HS6ST2: variants seen among roughly 807,000 people sequenced by gnomAD.
HS6ST2 encodes the protein heparan-sulfate 6-O-sulfotransferase 2.
HS6ST2 carries 17 observed loss-of-function variants against 33.0 expected under a neutral mutation model. The ratio of observed to expected loss-of-function variants is 0.52; its 90% CI spans 0.35 to 0.77. HS6ST2 has a LOEUF of 0.77. Among genes scored for constraint, HS6ST2 ranks in the 30% least tolerant of loss-of-function variants. HS6ST2 has a pLI of 0.01. For synonymous variants in HS6ST2, 248 were observed against 237.1 expected (o/e 1.05, Z -0.42); for missense variants, 519 against 551.7 (o/e 0.94, Z 0.59).
intron 2 of HS6ST2, among the ~76,000 whole-genome samples, chrX:132,828,693 TACACACACACAC>T (rs779585327): frequency 1.1e-3 from 82 of 72,915 alleles, no homozygotes; most frequent in African/African-American, 2.3e-3. Flanking sequence ...TATATATATA[TACACACACACAC>T]ACACACACAC....
intron 4 of HS6ST2, among the ~76,000 whole-genome samples, chrX:132,649,281 G>A (rs746871651): frequency 9.0e-6 from 1 of 111,398 alleles, no homozygotes; most frequent in Non-Finnish European, 1.9e-5. Context: ...CAGAAATATC[G>A]AATTCAAGTT....
intron 2 of HS6ST2, among the ~76,000 whole-genome samples, chrX:132,750,393 C>T (rs769425247): frequency 4.7e-5 from 5 of 106,403 alleles, no homozygotes; most frequent in South Asian, 4.2e-4. Flanking sequence ...GCTGCAAAGG[C>T]GACTTTGCTG....
chrX:132,841,550 G>A (rs1001617547), intron 2 of HS6ST2, among the ~76,000 whole-genome samples: 1 of 111,506 alleles, frequency 9.0e-6, no homozygotes, highest in South Asian at 3.8e-4. Context: ...CCAGCAATAG[G>A]GCTCCCAATA....
At chrX:132,833,169 T>C (rs1399065384) in intron 2 of HS6ST2, among the ~76,000 whole-genome samples, 1 of 112,011 alleles carries the variant, frequency 8.9e-6, no homozygotes, top group East Asian at 2.8e-4. Context: ...ATCAAGTAGA[T>C]TTACGTTAAT....
intron 2 of HS6ST2, among the ~76,000 whole-genome samples, chrX:132,728,507 G>A (rs1018990981): frequency 3.6e-5 from 4 of 111,849 alleles, no homozygotes; most frequent in Non-Finnish European, 5.6e-5. Context: ...ACAGCCTAAC[G>A]CGGGCATGTT....
chrX:132,774,766 T>C (rs888979837), intron 2 of HS6ST2, among the ~76,000 whole-genome samples: 1 of 110,533 alleles, frequency 9.0e-6, no homozygotes, highest in African/African-American at 3.3e-5. Context: ...CTGCAACCTC[T>C]GCCTTCTGAG....
At chrX:132,637,881 T>C (rs2063570157) in intron 4 of HS6ST2, among the ~76,000 whole-genome samples, 1 of 54,549 alleles carries the variant, frequency 1.8e-5, no homozygotes, top group African/African-American at 1.1e-4. Context: ...ATATAATATA[T>C]ATATAATATT....
At chrX:132,820,157 G>A (rs1361313360) in intron 2 of HS6ST2, among the ~76,000 whole-genome samples, 2 of 111,057 alleles carry the variant, frequency 1.8e-5, no homozygotes, top group African/African-American at 6.6e-5. Flanking sequence ...AGCCTCCCCA[G>A]CCTGAGGTCT....
chrX:132,829,241 G>T (rs2065563514), intron 2 of HS6ST2, among the ~76,000 whole-genome samples: 3 of 81,254 alleles, frequency 3.7e-5, no homozygotes, highest in Non-Finnish European at 7.2e-5. Context: ...GATATGTGAA[G>T]CACATATGTT....
chrX:132,805,224 T>C (rs2065270324), intron 2 of HS6ST2, among the ~76,000 whole-genome samples: 1 of 111,915 alleles, frequency 8.9e-6, no homozygotes, highest in Non-Finnish European at 1.9e-5. Context: ...TGGCCTTCGC[T>C]GGTCTTTGTC....
intron 2 of HS6ST2, among the ~76,000 whole-genome samples, chrX:132,938,153 C>A (rs1176478913): frequency 1.9e-5 from 2 of 104,765 alleles, no homozygotes; most frequent in Non-Finnish European, 3.9e-5. Flanking sequence ...CAAAGGGAAA[C>A]CCTGTCTCAA....
At chrX:132,779,805 G>C (rs2065002591) in intron 2 of HS6ST2, among the ~76,000 whole-genome samples, 1 of 110,848 alleles carries the variant, frequency 9.0e-6, no homozygotes, top group African/African-American at 3.3e-5. Flanking sequence ...CTATAAGGTT[G>C]GTACCCTTAC....
intron 2 of HS6ST2, among the ~76,000 whole-genome samples, chrX:132,727,063 C>T (rs2064399493): frequency 9.0e-6 from 1 of 110,663 alleles, no homozygotes; most frequent in Admixed American, 9.7e-5. Context: ...TAATGAAACG[C>T]TAATCAAAAC....
chrX:132,816,726 G>A (rs1368780320), intron 2 of HS6ST2, among the ~76,000 whole-genome samples: 1 of 111,333 alleles, frequency 9.0e-6, no homozygotes, highest in East Asian at 2.8e-4. Flanking sequence ...TTAAGTGACT[G>A]TACTTGAGAA....
intron 3 of HS6ST2, among the ~76,000 whole-genome samples, chrX:132,675,248 G>A (rs765996628): frequency 1.6e-4 from 18 of 110,535 alleles, no homozygotes; most frequent in African/African-American, 5.3e-4. Context: ...TGCGGTCATT[G>A]CTCCAAAGTG....
intron 2 of HS6ST2, among the ~76,000 whole-genome samples, chrX:132,879,754 G>C (rs981613095): frequency 7.2e-5 from 8 of 111,682 alleles, no homozygotes; most frequent in Non-Finnish European, 1.3e-4. Flanking sequence ...CTCTGTTCTG[G>C]GTACTGGAAA....
intron 2 of HS6ST2, among the ~76,000 whole-genome samples, chrX:132,725,372 T>G (rs1028249776): frequency 8.9e-6 from 1 of 111,875 alleles, no homozygotes; most frequent in Middle Eastern, 4.2e-3. Flanking sequence ...AAACAGACAT[T>G]TCTCAAAAGA....
chrX:132,736,070 C>A (rs1005570371), intron 2 of HS6ST2, among the ~76,000 whole-genome samples: 2 of 110,677 alleles, frequency 1.8e-5, no homozygotes, highest in Non-Finnish European at 3.8e-5. Context: ...GTCTCGAACT[C>A]CTGACCTCAA....
chrX:132,652,955 T>C (rs1020317229), intron 4 of HS6ST2, among the ~76,000 whole-genome samples: 2 of 111,585 alleles, frequency 1.8e-5, no homozygotes, highest in Admixed American at 1.9e-4. Context: ...TTTTTTTAAC[T>C]AGACAATTAG....
Sources: gnomAD v4.1 joint callset for allele counts (sites outside exome capture counted in the v4.1 genomes callset) on GRCh38, gnomAD v4.1.1 for gene constraint, MANE v1.5 for transcripts, NCBI Gene and HGNC (gene_info 2026-07-23, HGNC 2026-07-21) for gene names.